The following CDC14A variants were observed in gnomAD, a reference collection of about 807,000 sequenced individuals.
CDC14A encodes cell division cycle 14A, also known as dual specificity protein phosphatase CDC14A.
Under a neutral mutation model 74.4 loss-of-function variants are expected in CDC14A, and 53 were observed. That is an observed-to-expected ratio of 0.71 (90% CI 0.57 to 0.89). The LOEUF is 0.89. Among genes scored for constraint, CDC14A ranks in the 40% least tolerant of loss-of-function variants. The pLI, the probability that CDC14A is intolerant of heterozygous loss-of-function variation, is 0.00. For missense variants in CDC14A, 646 were observed against 713.7 expected (o/e 0.91, Z 1.08); for synonymous variants, 247 against 258.4 (o/e 0.96, Z 0.43).
chr1:100,432,196 G>A (rs1393749291), intron 5 of CDC14A, among the ~76,000 whole-genome samples: 1 of 152,122 alleles, frequency 6.6e-6, no homozygotes, highest in Admixed American at 6.6e-5. Flanking sequence ...AGATGGTTTT[G>A]TCCTCCCTAC....
chr1:100,467,924 T>C, intron 9 of CDC14A, 32 bp from the exon 10 acceptor site: 1 of 1,549,456 alleles, frequency 6.5e-7, no homozygotes, highest in Non-Finnish European at 8.7e-7. Context: ...TGCTAGACTT[T>C]ATATTTCTTA....
chr1:100,455,464 A>C lies in CDC14A; in HGVS notation c.579A>C (p.Gly193=). ...IVPGKFLAFS[G]PHPKSKIENG... ...CAGGAAAATTTTTAGCATTTAGTGG[A>C]CCACATCCTAAAAGCAAAATTGAGA... Residue 193 remains glycine (G), a synonymous_variant, in exon 8 of 16, where the codon GGA becomes GGC. Coordinates refer to ENST00000336454, the MANE Select transcript of CDC14A (RefSeq NM_003672.4). 6.3e-7 allele frequency: 1 copy of C among 1,595,682 alleles called. No homozygotes were observed. The highest frequency in any genetic ancestry group is 8.5e-7 in the Non-Finnish European group (1 of 1,174,224).
At chr1:100,446,995 G>A (rs1157382533) in intron 7 of CDC14A, among the ~76,000 whole-genome samples, 1 of 152,180 alleles carries the variant, frequency 6.6e-6, no homozygotes, top group Non-Finnish European at 1.5e-5. Flanking sequence ...CACTACGCCT[G>A]GCCTCCAGTG....
Position 100,377,604 on chromosome 1 carries a change from C to G in CDC14A, c.199C>G (p.Leu67Val), listed in dbSNP as rs747462956. 5.0e-6 allele frequency: 8 copies of G among 1,612,032 alleles called. No individual in the cohort carries two copies. Among genetic ancestry groups the G allele is most frequent in the Non-Finnish European group, 6.8e-6 (8 of 1,178,386 alleles). ...AATGGTGTACAGATATTGCTGCAAA[C>G]TAAACAAGAAACTAAAAGTGAGTAT... is the stretch of plus-strand genomic sequence containing the variant. ...LAMVYRYCCK[L>V]NKKLKSYSLS... is the part of the protein sequence containing the mutation. Residue 67 changes from leucine (L) to valine (V), a missense_variant, in exon 3 of 16, where the codon CTA (leucine) becomes GTA (valine). Leu to Val is a conservative substitution (Grantham distance 32). Coordinates refer to ENST00000336454, the MANE Select transcript of CDC14A (RefSeq NM_003672.4).
chr1:100,374,639 C>A (rs527299323), intron 2 of CDC14A, among the ~76,000 whole-genome samples: 2 of 152,244 alleles, frequency 1.3e-5, no homozygotes, highest in South Asian at 4.1e-4. Flanking sequence ...TATTACCAAC[C>A]TGCCTAATAG....
intron 8 of CDC14A, among the ~76,000 whole-genome samples, chr1:100,460,030 T>A (rs1000922060): frequency 2.0e-5 from 3 of 152,220 alleles, no homozygotes; most frequent in African/African-American, 7.2e-5. Flanking sequence ...GGAATCTGAC[T>A]GCCAGGATTG....
intron 5 of CDC14A, among the ~76,000 whole-genome samples, chr1:100,425,614 T>A (rs1224358597): frequency 1.3e-5 from 2 of 151,872 alleles, no homozygotes; most frequent in African/African-American, 4.8e-5. Context: ...AGTCAAGGAG[T>A]AAGGCATTGG....
intron 10 of CDC14A, among the ~76,000 whole-genome samples, chr1:100,475,347 A>G (rs1668782573): frequency 6.6e-6 from 1 of 152,132 alleles, no homozygotes; most frequent in Admixed American, 6.5e-5. Flanking sequence ...TATCATGGCT[A>G]CTTTTAAATC....
intron 2 of CDC14A, among the ~76,000 whole-genome samples, chr1:100,372,790 T>C (rs1162973070): frequency 6.6e-6 from 1 of 152,202 alleles, no homozygotes; most frequent in African/African-American, 2.4e-5. Flanking sequence ...TCTTAAACCT[T>C]ATGAACCAAC....
upstream of CDC14A, among the ~76,000 whole-genome samples, chr1:100,350,905 A>G (rs1650905821): frequency 6.6e-6 from 1 of 152,128 alleles, no homozygotes; most frequent in Non-Finnish European, 1.5e-5. Context: ...TCAATAAAAT[A>G]ATTTGAGGCC....
At chr1:100,388,795 C>T (rs1657234740) in intron 3 of CDC14A, among the ~76,000 whole-genome samples, 1 of 152,152 alleles carries the variant, frequency 6.6e-6, no homozygotes, top group South Asian at 2.1e-4. Flanking sequence ...AAGTGATTCT[C>T]CTGCTTTGGC....
At chr1:100,377,644 T>G in intron 3 of CDC14A, 23 bp downstream of exon 3, 2 of 1,553,844 alleles carry the variant, frequency 1.3e-6, no homozygotes, top group Non-Finnish European at 1.8e-6. Flanking sequence ...GTGATATTTA[T>G]AATTTGGAAT....
intron 3 of CDC14A, among the ~76,000 whole-genome samples, chr1:100,385,812 T>A (rs1373370889): frequency 1.3e-5 from 2 of 152,168 alleles, no homozygotes; most frequent in African/African-American, 4.8e-5. Flanking sequence ...TGGTGGAATG[T>A]CACAAGTGAG....
Position 100,484,590 on chromosome 1 carries a change from A to G in CDC14A, c.1137+139A>G, listed in dbSNP as rs1191845762. The G allele has an allele frequency of 6.3e-6, 8 of 1,277,284 alleles. No homozygotes were observed. The Admixed American group carries it at 1.5e-4, about 23-fold the overall frequency. 79.1% of individuals were successfully genotyped at this position (1,277,284 alleles called of 1,614,324 possible). ...TTTTTAGAAGTAGAGCCATCCGTCT[A>G]TATAGCAAGAAGCAGAGGAAAGAAA... is the stretch of plus-strand genomic sequence containing the variant. On this transcript the variant is annotated intron_variant, in intron 11 of 15. Transcript: ENST00000336454.
rs534911799 is a variant in CDC14A, at chr1:100,362,172, G to A, written c.140+8320G>A. Among the ~76,000 whole-genome samples the A allele has an allele frequency of 2.6e-5, 4 of 152,244 alleles. No homozygotes were observed. The East Asian group carries it at 5.8e-4, about 22-fold the overall frequency. On this transcript the variant is annotated intron_variant, in intron 2 of 15. Coordinates refer to ENST00000336454, the MANE Select transcript of CDC14A (RefSeq NM_003672.4). ...TCTTTGTCTTTTGTGATCTTTAAGC[G>A]GAAAATAGACCGTGTCTGTCCTGGA... is the stretch of plus-strand genomic sequence containing the variant.
At chr1:100,490,095 T>G (rs549391695) in intron 11 of CDC14A, among the ~76,000 whole-genome samples, 7 of 152,316 alleles carry the variant, frequency 4.6e-5, no homozygotes, top group African/African-American at 1.7e-4. Context: ...ATGAGATTGA[T>G]TTGTGCCACA....
At chr1:100,348,467 C>G (rs114042664), upstream of CDC14A, among the ~76,000 whole-genome samples, 565 of 152,038 alleles carry the variant, frequency 3.7e-3, 5 homozygotes, top group African/African-American at 0.013. Context: ...TTCTTTTGCT[C>G]TCATCTGAAT....
intron 13 of CDC14A, among the ~76,000 whole-genome samples, chr1:100,497,034 A>C (rs570876583): frequency 2.0e-5 from 3 of 152,312 alleles, no homozygotes; most frequent in African/African-American, 7.2e-5. Flanking sequence ...AATGAGAGAG[A>C]AGTCTTTGCC....
chr1:100,507,292 G>A (rs1649323981), intron 15 of CDC14A, among the ~76,000 whole-genome samples: 1 of 152,092 alleles, frequency 6.6e-6, no homozygotes, highest in African/African-American at 2.4e-5. Context: ...CAGCTTCTGT[G>A]GTTGAAGAAT....
Sources: gnomAD v4.1 joint callset for allele counts (sites outside exome capture counted in the v4.1 genomes callset) on GRCh38, gnomAD v4.1.1 for gene constraint, MANE v1.5 for transcripts, NCBI Gene and HGNC (gene_info 2026-07-23, HGNC 2026-07-21) for gene names.